Variants in FAP observed in about 807,000 individuals in gnomAD.
The protein encoded by FAP is fibroblast activation protein alpha.
Under a neutral mutation model 126.5 loss-of-function variants are expected in FAP, and 110 were observed. That is an observed-to-expected ratio of 0.87 (90% CI 0.74 to 1.02). The LOEUF is 1.02. FAP is among the 50% of genes least tolerant of loss of function. The pLI, the probability that FAP is intolerant of heterozygous loss-of-function variation, is 0.00. For missense variants in FAP, 919 were observed against 909.2 expected (o/e 1.01, Z -0.14); for synonymous variants, 334 against 297.3 (o/e 1.12, Z -1.27).
chr2:162,185,972 A>G (rs1413444239), intron 20 of FAP, among the ~76,000 whole-genome samples: 1 of 152,152 alleles, frequency 6.6e-6, no homozygotes, highest in Non-Finnish European at 1.5e-5. Flanking sequence ...AATTTCAAGC[A>G]AAAACCAAGG....
chr2:162,225,731 G>T (rs1414988919), intron 3 of FAP, among the ~76,000 whole-genome samples, 154 bp from the exon 4 acceptor site: 1 of 152,064 alleles, frequency 6.6e-6, no homozygotes, highest in Non-Finnish European at 1.5e-5. Context: ...TAAGTTGGTG[G>T]TAGAGGAAGA....
At position 162,174,910 on chromosome 2, in the gene FAP, T is replaced by C. The variant is rs373202271; in HGVS notation, c.1926A>G (p.Lys642=). The change falls in exon 22 of 26, where the codon AAA becomes AAG. Residue 642 remains lysine (K), a synonymous_variant. Coordinates refer to ENST00000188790, the MANE Select transcript of FAP (RefSeq NM_004460.5). ...AGACTGGAGCCACTGCTATACCACATTTGAAAAGACCAGTTCCAGATGCAA... is the reference window on the plus strand; with the variant it reads ...AGACTGGAGCCACTGCTATACCACACTTGAAAAGACCAGTTCCAGATGCAA... ...LALASGTGLF[K]CGIAVAPVSS... is the part of the protein sequence containing the mutation. 2.9e-5 allele frequency: 47 copies of C among 1,612,766 alleles called. No homozygotes were observed. The African/African-American group carries it at 4.7e-4, about 16-fold the overall frequency.
chr2:162,215,986 G>A lies in FAP; in HGVS notation c.778C>T (p.Pro260Ser). Residue 260 changes from proline to serine, a missense_variant, in exon 10 of 26, where the codon CCC (proline) becomes TCC (serine). By Grantham distance (74) the Pro-to-Ser change is moderately conservative (BLOSUM62 -1). Coordinates refer to ENST00000188790, the MANE Select transcript of FAP (RefSeq NM_004460.5). ...TCGATAATAAATATCCGAACAACGG[G>A]ATTCTTAGCTCCAGCCTGCCAAGAA... is the stretch of plus-strand genomic sequence containing the variant. Reference protein sequence around the residue: ...IPYPKAGAKNPVVRIFIIDTT... With the variant: ...IPYPKAGAKNSVVRIFIIDTT... 2 of 1,613,776 alleles carry A rather than the reference G, an allele frequency of 1.2e-6. No homozygotes were observed. The highest frequency in any genetic ancestry group is 2.7e-5 in the African/African-American group (2 of 75,016).
chr2:162,232,220 A>G (rs1441549281), intron 2 of FAP, among the ~76,000 whole-genome samples: 1 of 152,250 alleles, frequency 6.6e-6, no homozygotes, highest in African/African-American at 2.4e-5. Flanking sequence ...AAGTTCTTGT[A>G]CATACCAAGT....
At chr2:162,215,774 A>G (rs1188443815) in intron 10 of FAP, 124 bp downstream of exon 10, 2 of 646,736 alleles carry the variant, frequency 3.1e-6, no homozygotes, top group Non-Finnish European at 5.2e-6. Context: ...GTCAATTTTA[A>G]TTTTGTATGT....
At chr2:162,223,265 C>A (rs1352764449) in intron 6 of FAP, among the ~76,000 whole-genome samples, 1 of 152,114 alleles carries the variant, frequency 6.6e-6, no homozygotes, top group Non-Finnish European at 1.5e-5. Context: ...GAAATAGCCA[C>A]TCTCCTAAAA....
intron 11 of FAP, among the ~76,000 whole-genome samples, chr2:162,211,353 C>T (rs900694604): frequency 1.3e-5 from 2 of 152,210 alleles, no homozygotes. Context: ...TGGATGGTTA[C>T]ATGAATGTGC....
chr2:162,177,881 T>A (rs908673630), intron 21 of FAP, among the ~76,000 whole-genome samples: 3 of 152,158 alleles, frequency 2.0e-5, no homozygotes, highest in Admixed American at 2.0e-4. Flanking sequence ...TGTGCAATCC[T>A]CACGGTGTCT....
chr2:162,234,791 C>T (rs117759694), intron 2 of FAP, among the ~76,000 whole-genome samples: 10 of 152,132 alleles, frequency 6.6e-5, no homozygotes, highest in African/African-American at 1.9e-4. Flanking sequence ...GCCGCTGCAC[C>T]GTAGGAGCCT....
intron 20 of FAP, among the ~76,000 whole-genome samples, chr2:162,184,868 T>C (rs1219062447): frequency 6.6e-6 from 1 of 152,138 alleles, no homozygotes; most frequent in Non-Finnish European, 1.5e-5. Context: ...ACAATCATAC[T>C]ACCTTACATC....
intron 2 of FAP, among the ~76,000 whole-genome samples, chr2:162,242,202 A>G (rs775965522): frequency 3.9e-5 from 6 of 152,124 alleles, no homozygotes; most frequent in African/African-American, 7.2e-5. Flanking sequence ...TATTTCCCTA[A>G]TATCACTAGA....
intron 6 of FAP, among the ~76,000 whole-genome samples, chr2:162,222,088 A>C (rs1432737007): frequency 2.0e-5 from 3 of 152,218 alleles, no homozygotes; most frequent in Non-Finnish European, 4.4e-5. Flanking sequence ...CATAAAGTTT[A>C]CATAACCCAT....
chr2:162,202,977 G>T (rs746273580), intron 13 of FAP, 35 bp from the exon 14 acceptor site: 1 of 1,604,114 alleles, frequency 6.2e-7, no homozygotes, highest in East Asian at 2.2e-5. Context: ...GTGTGAAACT[G>T]AGCGTTATTT....
chr2:162,207,930 C>G (rs1451488779), intron 12 of FAP, among the ~76,000 whole-genome samples: 1 of 149,248 alleles, frequency 6.7e-6, no homozygotes, highest in Admixed American at 6.7e-5. Flanking sequence ...AGGATGGTCT[C>G]GATCTCCTGA....
intron 12 of FAP, among the ~76,000 whole-genome samples, chr2:162,205,105 A>G (rs545957304): frequency 6.6e-6 from 1 of 152,314 alleles, no homozygotes; most frequent in Admixed American, 6.5e-5. Flanking sequence ...GTGGCTGCTC[A>G]CATTGCTGGG....
At chr2:162,188,857 C>G (rs969192814) in intron 19 of FAP, among the ~76,000 whole-genome samples, 1 of 152,004 alleles carries the variant, frequency 6.6e-6, no homozygotes, top group Admixed American at 6.6e-5. Context: ...CTGACACATT[C>G]GGCAAATTGC....
chr2:162,179,517 T>G (rs1236374942), intron 21 of FAP, among the ~76,000 whole-genome samples: 1 of 152,136 alleles, frequency 6.6e-6, no homozygotes, highest in African/African-American at 2.4e-5. Context: ...AGTCCATTCC[T>G]TTGATGAACT....
At chr2:162,201,313 C>T (rs78977486) in intron 14 of FAP, among the ~76,000 whole-genome samples, 9 of 152,136 alleles carry the variant, frequency 5.9e-5, no homozygotes, top group Non-Finnish European at 1.2e-4. Context: ...ATTAGGCAGT[C>T]CAGTTCTCAC....
rs141855900 is a variant in FAP at position 162,214,050 on chromosome 2, G to T, written c.890C>A (p.Thr297Lys). The change falls in exon 11 of 26, where the codon ACG (threonine) becomes AAG (lysine). Residue 297 changes from threonine to lysine, a missense_variant. Coordinates refer to ENST00000188790, the MANE Select transcript of FAP (RefSeq NM_004460.5). The part of the protein sequence containing the change: ...ASSDYYFSWL[T>K]WVTDERVCLQ... ...ACATACTCGTTCATCAGTAACCCAC[G>T]TGAGCCAACTGAAATAATAATCACT... is the stretch of plus-strand genomic sequence containing the variant. 6 of 1,613,726 alleles carry T rather than the reference G, an allele frequency of 3.7e-6. No homozygotes were observed. In the African/African-American group the frequency reaches 6.7e-5, roughly 18 times the overall value.
Sources: gnomAD v4.1 joint callset for allele counts (sites outside exome capture counted in the v4.1 genomes callset) on GRCh38, gnomAD v4.1.1 for gene constraint, MANE v1.5 for transcripts, NCBI Gene and HGNC (gene_info 2026-07-23, HGNC 2026-07-21) for gene names.